RAB11FIP3: variants seen among roughly 807,000 people sequenced by gnomAD.
The protein encoded by RAB11FIP3 is rab11 family-interacting protein 3.
In RAB11FIP3, 17 loss-of-function variants were observed where a neutral mutation model predicts 77.8. The observed-to-expected ratio is 0.22, with a 90% confidence interval of 0.15 to 0.33. RAB11FIP3 has a LOEUF of 0.33. Among genes scored for constraint, RAB11FIP3 ranks in the 10% least tolerant of loss-of-function variants. RAB11FIP3 has a pLI of 1.00. For synonymous variants in RAB11FIP3, 437 were observed against 448.2 expected (o/e 0.98, Z 0.31); for missense variants, 1,005 against 1,011.2 (o/e 0.99, Z 0.08).
At chr16:445,699 G>C (rs1459499291) in intron 1 of RAB11FIP3, among the ~76,000 whole-genome samples, 1 of 151,886 alleles carries the variant, frequency 6.6e-6, no homozygotes, top group Non-Finnish European at 1.5e-5. Flanking sequence ...GGAGAGAAAG[G>C]TTCTGCCAGA....
At chr16:447,391 C>T (rs966894271) in intron 1 of RAB11FIP3, among the ~76,000 whole-genome samples, 1 of 152,118 alleles carries the variant, frequency 6.6e-6, no homozygotes, top group Admixed American at 6.6e-5. Context: ...GTGGCAGCCT[C>T]CTGAGTAGCT....
At chr16:439,039 A>G (rs1192088592) in intron 1 of RAB11FIP3, among the ~76,000 whole-genome samples, 1 of 152,100 alleles carries the variant, frequency 6.6e-6, no homozygotes, top group Non-Finnish European at 1.5e-5. Context: ...GTAGGAGTGC[A>G]CTGGTGCCAT....
In RAB11FIP3 at chr16:426,679, G is replaced by C. The variant is rs2054951310; in HGVS notation, c.673G>C (p.Glu225Gln). The change falls in exon 1 of 14, where the codon GAG (glutamate) becomes CAG (glutamine). Residue 225 changes from glutamate to glutamine, a missense_variant. Around this residue, in one of 4 missense-constraint regions of RAB11FIP3, gnomAD observed 466 missense variants for 408.3 expected, o/e 1.14. Transcript: ENST00000262305. The surrounding 1 kb of genome is among the most constrained non-coding windows in gnomAD (Gnocchi z 5.0). ...GGATGGGGACGGTTTCGTCCGCATC[G>C]AGGACTTCATCCAGTTTGCTACGGT... ...DGDGDGFVRI[E>Q]DFIQFATVYG... The C allele has an allele frequency of 6.5e-7, 1 of 1,540,784 alleles. No individual in the cohort carries two copies. Among genetic ancestry groups the C allele is most frequent in the Non-Finnish European group, 8.7e-7 (1 of 1,144,306 alleles).
rs1024061125 is a variant in RAB11FIP3, at chr16:491,107, C to A, written c.1265+2107C>A. On this transcript the variant is annotated intron_variant, in intron 5 of 13. Transcript: ENST00000262305. ...ATGACCACACGGGTCCTCATCCTCT[C>A]CTGAACGGATGCTTCTGTCTCTCTA... 2.3e-5 allele frequency: 29 copies of A among 1,288,416 alleles called. 1 individual carries two copies. The East Asian group carries it at 1.6e-3, about 71-fold the overall frequency. The allele number at this position is 1,288,416 out of a possible 1,614,324, so 79.8% of individuals were successfully genotyped here. A position where few individuals can be genotyped will look rare whatever the true frequency, so the allele number is the denominator to read the frequency against.
In RAB11FIP3 at chr16:496,830, A is replaced by G. The variant is rs140774389; in HGVS notation, c.1272A>G (p.Thr424=). Reference sequence around the variant, plus strand: ...TATTTTGTTTTCTGCACAGTCCGACAAAGCGGCTCTCCAGCAAGAAGGTGG... The same window carrying G: ...TATTTTGTTTTCTGCACAGTCCGACGAAGCGGCTCTCCAGCAAGAAGGTGG... ...SDPAFLTPSP[T]KRLSSKKVAR... is the part of the protein sequence containing the mutation. Residue 424 remains threonine (T), a synonymous_variant, in exon 6 of 14, where the codon ACA becomes ACG. Transcript: ENST00000262305. 1.0e-5 allele frequency: 16 copies of G among 1,596,742 alleles called. No homozygotes were observed. In the African/African-American group the frequency reaches 2.0e-4, roughly 20 times the overall value.
chr16:492,963 G>A (rs745315440), intron 5 of RAB11FIP3, among the ~76,000 whole-genome samples: 5 of 152,124 alleles, frequency 3.3e-5, no homozygotes, highest in Non-Finnish European at 7.4e-5. Context: ...ACTCTATGAA[G>A]CGGGCCAGGC....
intron 3 of RAB11FIP3, among the ~76,000 whole-genome samples, chr16:479,785 G>C (rs959872235): frequency 6.6e-6 from 1 of 151,928 alleles, no homozygotes; most frequent in African/African-American, 2.4e-5. Flanking sequence ...AGGCATGGTG[G>C]CTTTTACCTG....
chr16:492,360 T>TCCCGGGAGACCCGAGGCCGCCCAGAGC lies in RAB11FIP3; in HGVS notation c.1265+3361_1265+3362insCCGGGAGACCCGAGGCCGCCCAGAGCC. Among the ~76,000 whole-genome samples the TCCCGGGAGACCCGAGGCCGCCCAGAGC allele has an allele frequency of 8.2e-4, 21 of 25,616 alleles. 1 individual carries two copies. Among genetic ancestry groups the TCCCGGGAGACCCGAGGCCGCCCAGAGC allele is most frequent in the African/African-American group, 1.5e-3 (7 of 4,548 alleles). 16.8% of individuals were successfully genotyped at this position (25,616 alleles called of 152,430 possible). A position where few individuals can be genotyped will look rare whatever the true frequency, so the allele number is the denominator to read the frequency against. On this transcript the variant is annotated intron_variant, in intron 5 of 13. Coordinates refer to ENST00000262305, the MANE Select transcript of RAB11FIP3 (RefSeq NM_014700.4). ...AAGCAGAAGTGCTCTTTGAAGAGGG[T>TCCCGGGAGACCCGAGGCCGCCCAGAGC]CTTCCCGGGAGACCCGAGGCCGCCC... is the stretch of plus-strand genomic sequence containing the variant.
Position 431,211 on chromosome 16 carries a change from G to T in RAB11FIP3, c.714+4491G>T, listed in dbSNP as rs117427665. 7.8e-4 allele frequency among the ~76,000 whole-genome samples: 119 copies of T among 152,108 alleles called. 1 individual carries two copies. In the East Asian group the frequency reaches 0.022, roughly 29 times the overall value. ...GGAGTGGGATATTTGTGTGTAAGTG[G>T]CATATTATGTATGTGTGTGAGCAGG... is the stretch of plus-strand genomic sequence containing the variant. On this transcript the variant is annotated intron_variant, in intron 1 of 13. Transcript: ENST00000262305.
intron 5 of RAB11FIP3, among the ~76,000 whole-genome samples, chr16:490,031 C>T (rs1422324273): frequency 3.9e-5 from 6 of 152,310 alleles, no homozygotes; most frequent in Middle Eastern, 3.4e-3. Context: ...AGGACTGGGG[C>T]GTTTCTAAAC....
In RAB11FIP3 at chr16:506,367, C is replaced by G. The variant is rs1009600691; in HGVS notation, c.1499+740C>G. Among the ~76,000 whole-genome samples, 6 of 152,154 alleles carry G rather than the reference C, an allele frequency of 3.9e-5. No individual in the cohort carries two copies. Among genetic ancestry groups the G allele is most frequent in the Non-Finnish European group, 7.4e-5 (5 of 68,024 alleles). ...CTGGGCACCGGCAGCCTCTTGTGGG[C>G]AGAGGAGGCAGCCAGGAGGCCTATG... On this transcript the variant is annotated intron_variant, in intron 8 of 13. Coordinates refer to ENST00000262305, the MANE Select transcript of RAB11FIP3 (RefSeq NM_014700.4). This position sits in a 1 kb window ranked among gnomAD's most constrained non-coding sequence, Gnocchi z 4.5.
chr16:487,613 T>C (rs906906564), intron 4 of RAB11FIP3, among the ~76,000 whole-genome samples: 3 of 152,164 alleles, frequency 2.0e-5, no homozygotes, highest in Admixed American at 6.5e-5. Context: ...CGCCTCACTC[T>C]GCCAGGCCCC....
intron 6 of RAB11FIP3, among the ~76,000 whole-genome samples, chr16:500,627 G>A (rs1382643616): frequency 7.5e-6 from 1 of 132,708 alleles, no homozygotes; most frequent in Non-Finnish European, 1.5e-5. Flanking sequence ...GGCAGAGGTT[G>A]CAGTGAGCTG....
At chr16:476,886 C>T (rs576444813) in intron 3 of RAB11FIP3, among the ~76,000 whole-genome samples, 105 of 151,944 alleles carry the variant, frequency 6.9e-4, no homozygotes, top group African/African-American at 2.3e-3. Flanking sequence ...GTCAGGAGTT[C>T]GAGACCAGCC....
chr16:455,286 C>A (rs953455783), intron 1 of RAB11FIP3, among the ~76,000 whole-genome samples: 3 of 151,662 alleles, frequency 2.0e-5, no homozygotes, highest in African/African-American at 7.3e-5. Context: ...TCAAGACCAG[C>A]CTGGCCAACA....
chr16:465,402 A>C (rs180987600), intron 2 of RAB11FIP3, among the ~76,000 whole-genome samples: 1 of 152,168 alleles, frequency 6.6e-6, no homozygotes, highest in African/African-American at 2.4e-5. Context: ...GTAACAAGCC[A>C]TATTTTACAT....
chr16:456,759 CAACA>C (rs374242980), intron 1 of RAB11FIP3, among the ~76,000 whole-genome samples: 2 of 152,086 alleles, frequency 1.3e-5, no homozygotes, highest in Admixed American at 6.6e-5. Flanking sequence ...TCCATCTCAA[CAACA>C]AACAAAAAAA....
chr16:439,946 C>G (rs2055196989), intron 1 of RAB11FIP3, among the ~76,000 whole-genome samples: 1 of 151,772 alleles, frequency 6.6e-6, no homozygotes, highest in African/African-American at 2.4e-5. Flanking sequence ...TGGTTTCAAG[C>G]AATTCTCCTG....
At chr16:476,003 C>T (rs142254491) in intron 3 of RAB11FIP3, among the ~76,000 whole-genome samples, 1,819 of 152,210 alleles carry the variant, frequency 0.012, 38 homozygotes, top group African/African-American at 0.041. Flanking sequence ...TTACAGGCGC[C>T]CGCCACCACA....
Sources: allele counts gnomAD v4.1 joint callset (sites outside exome capture counted in the v4.1 genomes callset), GRCh38; gene constraint gnomAD v4.1.1; regional missense constraint gnomAD v4.1.1; non-coding constraint Gnocchi (gnomAD v3.1); transcripts MANE v1.5; gene names NCBI Gene and HGNC (gene_info 2026-07-23, HGNC 2026-07-21).